Variants in LRMDA observed in about 807,000 individuals in gnomAD.
LRMDA encodes the protein leucine-rich melanocyte differentiation-associated protein.
In LRMDA, 18 loss-of-function variants were observed where a neutral mutation model predicts 29.8. The ratio of observed to expected loss-of-function variants is 0.60; its 90% CI spans 0.42 to 0.90. The LOEUF (loss-of-function observed/expected upper bound fraction) is 0.90, where lower values mean the gene tolerates loss of function less well. Among genes scored for constraint, LRMDA ranks in the 40% least tolerant of loss-of-function variants. The probability of loss-of-function intolerance (pLI) is 0.00; values close to 1 mark genes in which losing one functional copy is unlikely to be tolerated. For synonymous variants in LRMDA, 125 were observed against 109.4 expected, an observed-to-expected ratio of 1.14 and a Z score of -0.89; for missense variants, 273 against 273.9, an observed-to-expected ratio of 1.00 and a Z score of 0.02.
At chr10:75,472,964 A>T (rs1358323499) in intron 2 of LRMDA, among the ~76,000 whole-genome samples, 1 of 152,148 alleles carries the variant, frequency 6.6e-6, no homozygotes, top group African/African-American at 2.4e-5. Flanking sequence ...TGAGAAGGAG[A>T]TTGGCATGAT....
At chr10:76,255,008 T>G (rs1314450599) in intron 5 of LRMDA, among the ~76,000 whole-genome samples, 2 of 152,186 alleles carry the variant, frequency 1.3e-5, no homozygotes, top group East Asian at 3.9e-4. Context: ...TTCCAGACTT[T>G]CCCTATTTTC....
At chr10:76,106,690 G>A (rs1209202061) in intron 5 of LRMDA, among the ~76,000 whole-genome samples, 5 of 152,180 alleles carry the variant, frequency 3.3e-5, no homozygotes, top group Non-Finnish European at 5.9e-5. Context: ...TGTAGGAGAC[G>A]GAAGGTAAAT....
chr10:75,727,621 A>G (rs1298380194), intron 2 of LRMDA, among the ~76,000 whole-genome samples: 1 of 152,238 alleles, frequency 6.6e-6, no homozygotes, highest in Non-Finnish European at 1.5e-5. Flanking sequence ...CTTTAACGTG[A>G]CAATGCAAAA....
At chr10:75,832,253 C>T (rs1844358803) in intron 2 of LRMDA, among the ~76,000 whole-genome samples, 1 of 152,190 alleles carries the variant, frequency 6.6e-6, no homozygotes, top group Non-Finnish European at 1.5e-5. Context: ...TGAGAAATTT[C>T]TTCCACCAGA....
At chr10:75,572,014 C>T (rs1217008280) in intron 2 of LRMDA, among the ~76,000 whole-genome samples, 2 of 152,116 alleles carry the variant, frequency 1.3e-5, no homozygotes, top group Non-Finnish European at 2.9e-5. Flanking sequence ...AGTGCAGTGG[C>T]ACAATTTTGG....
At chr10:75,777,494 G>A (rs2132239932) in intron 2 of LRMDA, among the ~76,000 whole-genome samples, 1 of 152,356 alleles carries the variant, frequency 6.6e-6, no homozygotes, top group Admixed American at 6.5e-5. Context: ...GCCTGGCAGA[G>A]CAGTCTCCTG....
At chr10:75,560,628 G>C (rs1468028928) in intron 2 of LRMDA, among the ~76,000 whole-genome samples, 1 of 150,858 alleles carries the variant, frequency 6.6e-6, no homozygotes, top group African/African-American at 2.4e-5. Context: ...CAAAGGGAAT[G>C]CTTCCAGTTT....
intron 2 of LRMDA, among the ~76,000 whole-genome samples, chr10:75,882,100 C>T (rs1409960630): frequency 1.3e-5 from 2 of 152,126 alleles, no homozygotes; most frequent in Non-Finnish European, 2.9e-5. Flanking sequence ...TGCAAAGCCT[C>T]TTGACTGGAG....
chr10:76,168,551 T>G (rs1850780702), intron 5 of LRMDA, among the ~76,000 whole-genome samples: 1 of 152,112 alleles, frequency 6.6e-6, no homozygotes, highest in Admixed American at 6.5e-5. Flanking sequence ...GAATCATCAA[T>G]TTCAGTTTGT....
At chr10:75,802,972 ATT>A (rs141657133) in intron 2 of LRMDA, among the ~76,000 whole-genome samples, 1,907 of 110,016 alleles carry the variant, frequency 0.017, 52 homozygotes, top group African/African-American at 0.053. Context: ...ATATATATAT[ATT>A]TTTTTTTTTT....
intron 6 of LRMDA, among the ~76,000 whole-genome samples, chr10:76,328,730 C>G (rs944501670): frequency 1.3e-5 from 2 of 152,080 alleles, no homozygotes; most frequent in African/African-American, 4.8e-5. Flanking sequence ...CTGCCTCTGT[C>G]AAAAGAATTG....
intron 6 of LRMDA, among the ~76,000 whole-genome samples, chr10:76,404,688 C>A (rs1841884590): frequency 1.3e-5 from 2 of 152,188 alleles, no homozygotes; most frequent in African/African-American, 4.8e-5. Flanking sequence ...CCTCCAAAGT[C>A]TCCTTCTCAT....
chr10:75,506,693 T>G (rs1845171943), intron 2 of LRMDA, among the ~76,000 whole-genome samples: 1 of 152,240 alleles, frequency 6.6e-6, no homozygotes, highest in Non-Finnish European at 1.5e-5. Flanking sequence ...TTCAGCGCCA[T>G]GTTGGTCCCT....
chr10:76,165,673 A>G (rs556612133), intron 5 of LRMDA, among the ~76,000 whole-genome samples: 1 of 152,216 alleles, frequency 6.6e-6, no homozygotes, highest in South Asian at 2.1e-4. Flanking sequence ...CCTTCTTCAC[A>G]TGGCAGCAGG....
intron 6 of LRMDA, among the ~76,000 whole-genome samples, chr10:76,360,468 T>C (rs1007853501): frequency 6.6e-5 from 10 of 152,172 alleles, no homozygotes; most frequent in African/African-American, 2.2e-4. Context: ...GACAGATTAA[T>C]TGTGGCTTCC....
At chr10:76,239,249 A>G (rs555262537) in intron 5 of LRMDA, among the ~76,000 whole-genome samples, 1 of 152,110 alleles carries the variant, frequency 6.6e-6, no homozygotes, top group Non-Finnish European at 1.5e-5. Flanking sequence ...CTTCTCCCCC[A>G]ATCCTAACCT....
chr10:75,573,903 A>G (rs981440857), intron 2 of LRMDA, among the ~76,000 whole-genome samples: 5 of 151,832 alleles, frequency 3.3e-5, no homozygotes, highest in African/African-American at 1.2e-4. Flanking sequence ...GTTTTATGCA[A>G]TTTTTCAGCT....
chr10:75,510,282 A>G (rs565323299), intron 2 of LRMDA, among the ~76,000 whole-genome samples: 2 of 152,306 alleles, frequency 1.3e-5, no homozygotes, highest in South Asian at 4.1e-4. Flanking sequence ...AAATGTAAGG[A>G]AAAAAGATTT....
intron 6 of LRMDA, among the ~76,000 whole-genome samples, chr10:76,456,653 T>TAA (rs759893190): frequency 2.4e-5 from 3 of 127,414 alleles, no homozygotes; most frequent in Admixed American, 8.0e-5. Flanking sequence ...GCACTCTTAT[T>TAA]AAAAAAAAAA....
Sources: gnomAD v4.1 joint callset for allele counts (sites outside exome capture counted in the v4.1 genomes callset) on GRCh38, gnomAD v4.1.1 for gene constraint, MANE v1.5 for transcripts, NCBI Gene and HGNC (gene_info 2026-07-23, HGNC 2026-07-21) for gene names.